Variants in NR3C2 observed in about 807,000 individuals in gnomAD.
The protein encoded by NR3C2 is nuclear receptor subfamily 3 group C member 2.
Under a neutral mutation model 86.4 loss-of-function variants are expected in NR3C2, and 15 were observed. The ratio of observed to expected loss-of-function variants is 0.17; its 90% confidence interval spans 0.12 to 0.27. The LOEUF (loss-of-function observed/expected upper bound fraction) is 0.27. NR3C2 is among the 10% of genes least tolerant of loss of function. The pLI is 1.00. For synonymous variants in NR3C2, 458 were observed against 450.5 expected, an observed-to-expected ratio of 1.02 and a Z score of -0.21; for missense variants, 960 against 1,195.6, an observed-to-expected ratio of 0.80 and a Z score of 2.91.
chr4:148,133,350 G>A (rs1262672772), intron 6 of NR3C2, among the ~76,000 whole-genome samples: 3 of 152,026 alleles, frequency 2.0e-5, no homozygotes, highest in African/African-American at 4.8e-5. Flanking sequence ...AAAACCTTTG[G>A]TGAGATATTA....
At chr4:148,230,249 A>G (rs1738390574) in intron 3 of NR3C2, among the ~76,000 whole-genome samples, 1 of 152,196 alleles carries the variant, frequency 6.6e-6, no homozygotes, top group African/African-American at 2.4e-5. Flanking sequence ...GCTGGAGTGC[A>G]GTGGTGTGAT....
intron 6 of NR3C2, among the ~76,000 whole-genome samples, chr4:148,139,874 G>A (rs542371159): frequency 6.6e-6 from 1 of 152,260 alleles, no homozygotes; most frequent in East Asian, 1.9e-4. Flanking sequence ...TGGGGTTCAT[G>A]GGTGGAAAAG....
At chr4:148,415,238 G>A (rs1748934022) in intron 2 of NR3C2, among the ~76,000 whole-genome samples, 1 of 152,150 alleles carries the variant, frequency 6.6e-6, no homozygotes, top group African/African-American at 2.4e-5. Flanking sequence ...CATTCTTACA[G>A]GATCGCAGGA....
intron 3 of NR3C2, among the ~76,000 whole-genome samples, chr4:148,223,279 G>A (rs1052514895): frequency 2.6e-5 from 4 of 151,942 alleles, no homozygotes; most frequent in African/African-American, 9.7e-5. Flanking sequence ...CTACTTCTCC[G>A]CTTACAGCCA....
chr4:148,182,883 A>C (rs112389213), intron 4 of NR3C2, among the ~76,000 whole-genome samples: 26,394 of 152,192 alleles, frequency 0.17, 2,350 homozygotes, highest in Middle Eastern at 0.28. Context: ...GGTTTGTTAC[A>C]TAGGTATATA....
At chr4:148,355,553 C>T (rs1420835959) in intron 2 of NR3C2, among the ~76,000 whole-genome samples, 3 of 152,148 alleles carry the variant, frequency 2.0e-5, no homozygotes, top group African/African-American at 7.2e-5. Flanking sequence ...GCAGTGCCAC[C>T]TCTGTACTCC....
At chr4:148,220,301 T>C (rs1223826197) in intron 3 of NR3C2, among the ~76,000 whole-genome samples, 1 of 152,088 alleles carries the variant, frequency 6.6e-6, no homozygotes, top group African/African-American at 2.4e-5. Context: ...TTGCCCAGTC[T>C]GGTCTTGAAC....
chr4:148,275,419 C>A, intron 2 of NR3C2, among the ~76,000 whole-genome samples: 1 of 152,000 alleles, frequency 6.6e-6, no homozygotes, highest in South Asian at 2.1e-4. Flanking sequence ...AGTAGATAAG[C>A]CAATCTTATC....
At chr4:148,442,115 A>G (rs533041529) in intron 1 of NR3C2, 45 bp downstream of exon 1, 3 of 152,678 alleles carry the variant, frequency 2.0e-5, no homozygotes, top group Non-Finnish European at 2.9e-5. Context: ...CCGCGGCCGC[A>G]CGCCGAGCAC....
intron 2 of NR3C2, among the ~76,000 whole-genome samples, chr4:148,334,443 T>C (rs1263953783): frequency 6.6e-6 from 1 of 152,168 alleles, no homozygotes; most frequent in Non-Finnish European, 1.5e-5. Flanking sequence ...CTCACAAGGC[T>C]GAGGCAGGAT....
chr4:148,130,424 C>A (rs772713110), intron 6 of NR3C2, among the ~76,000 whole-genome samples: 8 of 152,102 alleles, frequency 5.3e-5, no homozygotes, highest in Non-Finnish European at 8.8e-5. Context: ...AACTAAATAC[C>A]TTTTAGGTAT....
At chr4:148,212,006 C>G (rs61758899) in intron 3 of NR3C2, among the ~76,000 whole-genome samples, 16,341 of 152,186 alleles carry the variant, frequency 0.11, 1,043 homozygotes, top group South Asian at 0.22. Flanking sequence ...AAGGCCCTCA[C>G]TGAACCTCAA....
chr4:148,342,868 T>C (rs1031920426), intron 2 of NR3C2, among the ~76,000 whole-genome samples: 1 of 152,182 alleles, frequency 6.6e-6, no homozygotes, highest in African/African-American at 2.4e-5. Flanking sequence ...ATAAGGTTAA[T>C]TGACATCTCT....
intron 4 of NR3C2, 107 bp downstream of exon 4, chr4:148,194,639 A>G: frequency 1.4e-6 from 1 of 735,780 alleles, no homozygotes; most frequent in South Asian, 1.5e-5. Flanking sequence ...ATTTTCAGAA[A>G]CCTTTGCTCC....
chr4:148,430,143 A>G (rs1046334309), intron 2 of NR3C2, among the ~76,000 whole-genome samples: 2 of 152,122 alleles, frequency 1.3e-5, no homozygotes, highest in Admixed American at 6.5e-5. Context: ...TCTATAAGTA[A>G]TATCTCCATA....
chr4:148,334,567 C>T (rs1579172876), intron 2 of NR3C2, among the ~76,000 whole-genome samples: 1 of 152,048 alleles, frequency 6.6e-6, no homozygotes, highest in Non-Finnish European at 1.5e-5. Context: ...AACAAAAAAA[C>T]TTACACAAAT....
chr4:148,336,988 T>C (rs1160896865), intron 2 of NR3C2, among the ~76,000 whole-genome samples: 1 of 152,018 alleles, frequency 6.6e-6, no homozygotes, highest in Non-Finnish European at 1.5e-5. Context: ...AGAGATGGGG[T>C]CTTCCCATGT....
chr4:148,154,491 G>A (rs746075737), intron 5 of NR3C2, 60 bp downstream of exon 5: 18 of 1,509,432 alleles, frequency 1.2e-5, no homozygotes, highest in Admixed American at 1.7e-5. Flanking sequence ...AGATGGCGAA[G>A]TCAGTTGCCC....
At chr4:148,315,200 G>C (rs1230664804) in intron 2 of NR3C2, among the ~76,000 whole-genome samples, 1 of 151,986 alleles carries the variant, frequency 6.6e-6, no homozygotes. Flanking sequence ...AGTCCAGTAG[G>C]GTCTTCCCAT....
Sources: allele counts gnomAD v4.1 joint callset (sites outside exome capture counted in the v4.1 genomes callset), GRCh38; gene constraint gnomAD v4.1.1; transcripts MANE v1.5; gene names NCBI Gene and HGNC (gene_info 2026-07-23, HGNC 2026-07-21).